The following TPST2 variants were observed in gnomAD, a reference collection of about 807,000 sequenced individuals.
TPST2 encodes protein-tyrosine sulfotransferase 2.
In TPST2, 16 loss-of-function variants were observed where a neutral mutation model predicts 27.8. The ratio of observed to expected loss-of-function variants is 0.58; its 90% CI spans 0.39 to 0.88. The LOEUF (loss-of-function observed/expected upper bound fraction) is 0.88, where lower values mean the gene tolerates loss of function less well. Among genes scored for constraint, TPST2 ranks in the 40% least tolerant of loss-of-function variants. The pLI is 0.00. For missense variants in TPST2, 464 were observed against 543.1 expected (o/e 0.85, Z 1.45); for synonymous variants, 229 against 231.7 (o/e 0.99, Z 0.10).
At chr22:26,552,871 C>G (rs1490590545) in intron 1 of TPST2, among the ~76,000 whole-genome samples, 2 of 151,870 alleles carry the variant, frequency 1.3e-5, no homozygotes, top group Non-Finnish European at 2.9e-5. Context: ...ACCAGCCTGG[C>G]CAACATGGTG....
chr22:26,556,949 C>T lies in TPST2; in HGVS notation c.-160-12274G>A, dbSNP rs189947213. On this transcript the variant is annotated intron_variant, in intron 1 of 6. Transcript: ENST00000338754. The stretch of plus-strand genomic sequence containing the variant: ...AAGAAGTAAAAGTGGCCAGGAGCAG[C>T]GGCTCATGCCTGTGATCCCAGCTGC... Among the ~76,000 whole-genome samples the T allele has an allele frequency of 2.0e-5, 3 of 152,352 alleles. No individual in the cohort carries two copies. The East Asian group carries it at 5.8e-4, about 29-fold the overall frequency.
Position 26,541,696 on chromosome 22 carries a change from C to A in TPST2, c.-66G>T. The A allele has an allele frequency of 6.8e-7, 1 of 1,480,118 alleles. No individual in the cohort carries two copies. Among genetic ancestry groups the A allele is most frequent in the Non-Finnish European group, 8.9e-7 (1 of 1,122,366 alleles). 91.7% of individuals were successfully genotyped at this position (1,480,118 alleles called of 1,614,324 possible). Reference sequence around the variant, plus strand: ...TTCTGGGGCTTCAGCGACAGGTTAGCGGGCAGCCCGCCAGGCTCACATCTG... The same window carrying A: ...TTCTGGGGCTTCAGCGACAGGTTAGAGGGCAGCCCGCCAGGCTCACATCTG... On this transcript the variant is annotated 5_prime_UTR_variant, in exon 3 of 7. Transcript: ENST00000338754. The surrounding 1 kb of genome is among the most constrained non-coding windows in gnomAD (Gnocchi z 5.9).
At chr22:26,546,871 A>G (rs1926152671) in intron 1 of TPST2, among the ~76,000 whole-genome samples, 1 of 152,208 alleles carries the variant, frequency 6.6e-6, no homozygotes, top group African/African-American at 2.4e-5. Context: ...TCAAGGGAAG[A>G]GGGTGAAGGG....
chr22:26,586,643 C>T (rs753824220), intron 1 of TPST2, among the ~76,000 whole-genome samples: 4 of 149,622 alleles, frequency 2.7e-5, no homozygotes, highest in Admixed American at 6.7e-5. Flanking sequence ...GTGCCAGATA[C>T]AGCGGCTGGG....
chr22:26,571,814 C>G (rs1927638176), intron 1 of TPST2, among the ~76,000 whole-genome samples: 1 of 152,156 alleles, frequency 6.6e-6, no homozygotes, highest in Non-Finnish European at 1.5e-5. Flanking sequence ...TCCCCATGAA[C>G]CCCTGATCCA....
rs533062898 is a variant in TPST2 at position 26,540,677 on chromosome 22, T to C, written c.842+112A>G. 78 of 976,508 alleles carry C rather than the reference T, an allele frequency of 8.0e-5. 2 individuals are homozygous for C. In the South Asian group the frequency reaches 1.1e-3, roughly 14 times the overall value. The allele number at this position is 976,508 out of a possible 1,614,324, so 60.5% of individuals were successfully genotyped here. The stretch of plus-strand genomic sequence containing the variant: ...AATGAAACGGAGGCTCAGAGAGATA[T>C]AGTGACTTGCCCAAGGCCACACAGC... On this transcript the variant is annotated intron_variant, in intron 3 of 6. Coordinates refer to ENST00000338754, the MANE Select transcript of TPST2 (RefSeq NM_003595.5).
At chr22:26,571,354 C>A (rs1324222236) in intron 1 of TPST2, among the ~76,000 whole-genome samples, 1 of 152,168 alleles carries the variant, frequency 6.6e-6, no homozygotes, top group Non-Finnish European at 1.5e-5. Context: ...TTCTTCAAGG[C>A]CTCTTCTGAT....
intron 6 of TPST2, among the ~76,000 whole-genome samples, chr22:26,527,495 C>G (rs1924905831): frequency 6.6e-6 from 1 of 151,776 alleles, no homozygotes; most frequent in South Asian, 2.1e-4. Flanking sequence ...GGAGTTAAAC[C>G]TGGAGATCTT....
Position 26,588,177 on chromosome 22 carries a change from C to G in TPST2, c.-161+1876G>C, listed in dbSNP as rs114361607. Among the ~76,000 whole-genome samples the G allele has an allele frequency of 2.4e-3, 341 of 142,420 alleles. 2 individuals carry two copies. The highest frequency in any genetic ancestry group is 8.2e-3 in the African/African-American group (311 of 37,740). 93.4% of individuals were successfully genotyped at this position (142,420 alleles called of 152,430 possible). On this transcript the variant is annotated intron_variant, in intron 1 of 6. Coordinates refer to ENST00000338754, the MANE Select transcript of TPST2 (RefSeq NM_003595.5). ...ATCCACATAATAGAATATTATGCAG[C>G]CATAAAAAGGAACGAAGTACTTAAA...
At chr22:26,527,508 A>G (rs956247349) in intron 6 of TPST2, among the ~76,000 whole-genome samples, 7 of 148,196 alleles carry the variant, frequency 4.7e-5, no homozygotes, top group African/African-American at 7.6e-5. Flanking sequence ...GAGATCTTAA[A>G]TCTTTGAATT....
intron 6 of TPST2, among the ~76,000 whole-genome samples, chr22:26,527,724 G>A (rs1924917844): frequency 6.6e-6 from 1 of 152,190 alleles, no homozygotes. Context: ...CGCCTCCCAA[G>A]GATGCTGAGG....
intron 4 of TPST2, among the ~76,000 whole-genome samples, chr22:26,533,752 G>A (rs1331954129): frequency 6.6e-6 from 1 of 151,388 alleles, no homozygotes; most frequent in Non-Finnish European, 1.5e-5. Flanking sequence ...ACGGCTCACT[G>A]CAGCCTCCAC....
intron 1 of TPST2, among the ~76,000 whole-genome samples, chr22:26,583,624 G>A (rs533625410): frequency 6.6e-6 from 1 of 151,888 alleles, no homozygotes; most frequent in Non-Finnish European, 1.5e-5. Flanking sequence ...GGGAGGCCAA[G>A]GCAGGCGGAG....
chr22:26,583,742 A>G (rs1388716364), intron 1 of TPST2, among the ~76,000 whole-genome samples: 4 of 152,138 alleles, frequency 2.6e-5, no homozygotes, highest in Non-Finnish European at 5.9e-5. Context: ...TGGGAGGCTG[A>G]GGCAGAAGAA....
intron 1 of TPST2, among the ~76,000 whole-genome samples, chr22:26,556,430 C>G (rs142798894): frequency 1.2e-4 from 18 of 152,244 alleles, no homozygotes; most frequent in Non-Finnish European, 2.2e-4. Flanking sequence ...ATCCCAGCTA[C>G]TTGGGAGGCT....
chr22:26,559,819 A>C lies in TPST2; in HGVS notation c.-160-15144T>G, dbSNP rs542868951. On this transcript the variant is annotated intron_variant, in intron 1 of 6. Transcript: ENST00000338754. ...CCCTGGTTTCTGCAAACCCCCACTT[A>C]ACAGCATGGTTCTATTCACACCTTC... 7.2e-5 allele frequency among the ~76,000 whole-genome samples: 11 copies of C among 152,168 alleles called. No individual in the cohort carries two copies. The East Asian group carries it at 1.5e-3, about 21-fold the overall frequency.
chr22:26,528,084 G>T (rs1924937703), intron 6 of TPST2, 130 bp downstream of exon 6: 1 of 1,013,570 alleles, frequency 9.9e-7, no homozygotes, highest in Middle Eastern at 2.1e-4. Flanking sequence ...GATGGGGCTG[G>T]GTCAGCCCAC....
At position 26,541,107 on chromosome 22, in the gene TPST2, T is replaced by C. The variant is rs1161562518; in HGVS notation, c.524A>G (p.Asn175Ser). 1.2e-6 allele frequency: 2 copies of C among 1,606,682 alleles called. No homozygotes were observed. Among genetic ancestry groups the C allele is most frequent in the Admixed American group, 1.7e-5 (1 of 59,808 alleles). Residue 175 changes from asparagine (N) to serine (S), a missense_variant, in exon 3 of 7, where the codon AAC (asparagine) becomes AGC (serine). By Grantham distance (46) the Asn-to-Ser change is conservative (BLOSUM62 1). Transcript: ENST00000338754. The surrounding 1 kb of genome is among the most constrained non-coding windows in gnomAD (Gnocchi z 5.9). ...SSVYLSRLFPNSKFLLMVRDG... is the reference protein window; with the variant it reads ...SSVYLSRLFPSSKFLLMVRDG... ...CCGCACCATCAGCAGGAACTTGGAG[T>C]TGGGGAACAGGCGCGACAGGTAGAC...
At chr22:26,581,672 G>T (rs1402623758) in intron 1 of TPST2, among the ~76,000 whole-genome samples, 1 of 152,162 alleles carries the variant, frequency 6.6e-6, no homozygotes, top group Admixed American at 6.5e-5. Flanking sequence ...GCCTATGATA[G>T]AATTGAGCTA....
Sources: gnomAD v4.1 joint callset for allele counts (sites outside exome capture counted in the v4.1 genomes callset) on GRCh38, gnomAD v4.1.1 for gene constraint, Gnocchi (gnomAD v3.1) non-coding constraint, MANE v1.5 for transcripts, NCBI Gene and HGNC (gene_info 2026-07-23, HGNC 2026-07-21) for gene names.